The following MYOM1 variants were observed in gnomAD, a reference collection of about 807,000 sequenced individuals.
The protein encoded by MYOM1 is myomesin 1.
A neutral mutation model predicts 205.3 loss-of-function variants in MYOM1; 164 were observed. The ratio of observed to expected loss-of-function variants is 0.80; its 90% CI spans 0.70 to 0.91. The LOEUF (loss-of-function observed/expected upper bound fraction) is 0.91, where lower values mean the gene tolerates loss of function less well. MYOM1 is among the 40% of genes least tolerant of loss of function. MYOM1 has a pLI of 0.00. For synonymous variants in MYOM1, 772 were observed against 789.4 expected, an observed-to-expected ratio of 0.98 and a Z score of 0.37; for missense variants, 2,011 against 2,127.3, an observed-to-expected ratio of 0.95 and a Z score of 1.08.
intron 8 of MYOM1, among the ~76,000 whole-genome samples, chr18:3,170,531 G>A (rs1296669546): frequency 6.6e-6 from 1 of 152,112 alleles, no homozygotes; most frequent in East Asian, 1.9e-4. Flanking sequence ...AGGAGAAAAT[G>A]GAAAAGTTTA....
intron 34 of MYOM1, among the ~76,000 whole-genome samples, chr18:3,076,587 T>C (rs73371153): frequency 0.078 from 11,797 of 152,114 alleles, 799 homozygotes; most frequent in African/African-American, 0.18. Context: ...CCTGAAGCAA[T>C]GTTTCTTATG....
In MYOM1 at chr18:3,131,840, C is replaced by T. The variant is rs111942950; in HGVS notation, c.2385-344G>A. ...GGTAACTAAGGCACTTTTCTAAACC[C>T]ACTCTGTCAAAAAATGAGGAGCCCT... On this transcript the variant is annotated intron_variant, in intron 16 of 37. Transcript: ENST00000356443. Among the ~76,000 whole-genome samples, 748 of 151,744 alleles carry T rather than the reference C, an allele frequency of 4.9e-3. 5 individuals are homozygous for T. Among genetic ancestry groups the T allele is most frequent in the Non-Finnish European group, 6.9e-3 (470 of 67,946 alleles).
Position 3,197,744 on chromosome 18 carries a change from G to T in MYOM1, c.291-3786C>A, listed in dbSNP as rs950694317. ...AAAAATTAGCTGGGCATGGTGGCAG[G>T]CGCCTGTGGTCCCAGCTACTCGGGA... On this transcript the variant is annotated intron_variant, in intron 2 of 37. Coordinates refer to ENST00000356443, the MANE Select transcript of MYOM1 (RefSeq NM_003803.4). Among the ~76,000 whole-genome samples, 6 of 151,966 alleles carry T rather than the reference G, an allele frequency of 3.9e-5. No individual in the cohort carries two copies. In the East Asian group the frequency reaches 7.8e-4, roughly 20 times the overall value.
chr18:3,138,594 C>G lies in MYOM1; in HGVS notation c.2026-2864G>C, dbSNP rs530672195. The stretch of plus-strand genomic sequence containing the variant: ...GTCTGCTGTCTCCTGAGGGACGAAA[C>G]TCTCTCAGACCTTTAATCTTTTCAT... On this transcript the variant is annotated intron_variant, in intron 14 of 37. Coordinates refer to ENST00000356443, the MANE Select transcript of MYOM1 (RefSeq NM_003803.4). 6.3e-4 allele frequency among the ~76,000 whole-genome samples: 96 copies of G among 152,302 alleles called. 1 individual carries two copies. In the South Asian group the frequency reaches 0.012, roughly 19 times the overall value.
At chr18:3,188,063 G>A (rs545002933) in intron 4 of MYOM1, among the ~76,000 whole-genome samples, 6 of 151,582 alleles carry the variant, frequency 4.0e-5, no homozygotes, top group East Asian at 2.0e-4. Context: ...GGCTGGTCTC[G>A]AACTCCTGTC....
intron 2 of MYOM1, among the ~76,000 whole-genome samples, chr18:3,202,642 C>A (rs1014766625): frequency 6.6e-5 from 10 of 152,054 alleles, no homozygotes; most frequent in African/African-American, 2.4e-4. Context: ...CACCTAACAA[C>A]AGATCCCCAA....
chr18:3,169,046 T>C (rs1598739708), intron 8 of MYOM1, 65 bp from the exon 9 acceptor site: 3 of 1,383,236 alleles, frequency 2.2e-6, no homozygotes, highest in East Asian at 5.4e-5. Context: ...AGCATTTTAA[T>C]AAGCACAGGC....
chr18:3,167,479 G>A (rs767761951), intron 9 of MYOM1, among the ~76,000 whole-genome samples: 2 of 152,200 alleles, frequency 1.3e-5, no homozygotes, highest in Non-Finnish European at 2.9e-5. Flanking sequence ...TGCCTTCTGA[G>A]TTCAAGCGAT....
intron 2 of MYOM1, among the ~76,000 whole-genome samples, chr18:3,211,497 C>T (rs1388487293): frequency 6.6e-6 from 1 of 152,204 alleles, no homozygotes; most frequent in African/African-American, 2.4e-5. Context: ...CATTCATGGA[C>T]AGAGGTTAAG....
intron 14 of MYOM1, among the ~76,000 whole-genome samples, chr18:3,141,617 A>C (rs1383868097): frequency 6.6e-6 from 1 of 152,188 alleles, no homozygotes; most frequent in African/African-American, 2.4e-5. Context: ...GGAGACAGGA[A>C]GGTCTCTAGA....
chr18:3,083,790 T>C lies in MYOM1; in HGVS notation c.4483A>G (p.Asn1495Asp). 6.4e-7 allele frequency: 1 copy of C among 1,563,612 alleles called. No homozygotes were observed. The highest frequency in any genetic ancestry group is 1.2e-5 in the South Asian group (1 of 85,034). ...GCAAGTAAGTTCTCATTTACTTACT[T>C]GTGGGACCAGTTAACTTTCAAATCC... The part of the protein sequence containing the change: ...VEDLKVNWSH[N>D]GSAIRYSDRV... Residue 1495 changes from asparagine (N) to aspartate (D), a missense_variant and splice_region_variant, in exon 33 of 38, where the codon AAT becomes GAT. Coordinates refer to ENST00000356443, the MANE Select transcript of MYOM1 (RefSeq NM_003803.4).
chr18:3,175,624 C>T (rs925803582), intron 6 of MYOM1, among the ~76,000 whole-genome samples: 7 of 152,224 alleles, frequency 4.6e-5, no homozygotes, highest in Middle Eastern at 3.4e-3. Context: ...GCCACCTACC[C>T]GGATCTCCAT....
chr18:3,106,456 A>T (rs1420098736), intron 22 of MYOM1, among the ~76,000 whole-genome samples: 1 of 152,216 alleles, frequency 6.6e-6, no homozygotes, highest in African/African-American at 2.4e-5. Flanking sequence ...TAACATAAGA[A>T]ATGGGATCAT....
intron 13 of MYOM1, among the ~76,000 whole-genome samples, 183 bp from the exon 14 acceptor site, chr18:3,142,246 A>G (rs952327826): frequency 2.0e-5 from 3 of 152,012 alleles, no homozygotes; most frequent in Non-Finnish European, 1.5e-5. Context: ...AATGCCATTG[A>G]GCAGTTGCTG....
intron 4 of MYOM1, 60 bp downstream of exon 4, chr18:3,188,688 C>T: frequency 1.4e-6 from 2 of 1,414,504 alleles, no homozygotes; most frequent in Non-Finnish European, 9.5e-7. Flanking sequence ...CACACACACA[C>T]ACACCCCTTA....
At chr18:3,121,791 C>G (rs893404610) in intron 19 of MYOM1, among the ~76,000 whole-genome samples, 8 of 152,078 alleles carry the variant, frequency 5.3e-5, no homozygotes, top group Admixed American at 5.2e-4. Flanking sequence ...CTTTTAAAAA[C>G]GATTCAAAAA....
intron 31 of MYOM1, 124 bp downstream of exon 31, chr18:3,084,921 T>G (rs2079131868): frequency 1.4e-6 from 1 of 701,234 alleles, no homozygotes; most frequent in Non-Finnish European, 2.4e-6. Flanking sequence ...GAATTTCAAT[T>G]AAGCCAAAAT....
At chr18:3,223,997 T>G (rs2081342106), upstream of MYOM1, among the ~76,000 whole-genome samples, 1 of 151,756 alleles carries the variant, frequency 6.6e-6, no homozygotes, top group African/African-American at 2.4e-5. Context: ...ATGACCTAGA[T>G]CTAAACTAGG....
At chr18:3,075,503 G>GAAA (rs1555614026) in intron 35 of MYOM1, 27 bp from the exon 36 acceptor site, 2 of 1,381,624 alleles carry the variant, frequency 1.4e-6, no homozygotes, top group Non-Finnish European at 1.9e-6. Flanking sequence ...CGAACAAACA[G>GAAA]ACGAAGAATT....
Sources: allele counts gnomAD v4.1 joint callset (sites outside exome capture counted in the v4.1 genomes callset), GRCh38; gene constraint gnomAD v4.1.1; transcripts MANE v1.5; gene names NCBI Gene and HGNC (gene_info 2026-07-23, HGNC 2026-07-21).